Variants in RSRP1 observed in about 807,000 individuals in gnomAD.
The protein encoded by RSRP1 is arginine and serine rich protein 1, also known as arginine/serine-rich protein 1.
Under a neutral mutation model 33.0 loss-of-function variants are expected in RSRP1, and 37 were observed. That is an observed-to-expected ratio of 1.12 (90% CI 0.86 to 1.48). The LOEUF (loss-of-function observed/expected upper bound fraction) is 1.48, where lower values mean the gene tolerates loss of function less well. Ranked by LOEUF, RSRP1 falls within the 40% of genes most tolerant of loss-of-function variation. RSRP1 has a pLI of 0.00. For missense variants in RSRP1, 402 were observed against 385.3 expected (o/e 1.04, Z -0.36); for synonymous variants, 167 against 158.7 (o/e 1.05, Z -0.40).
chr1:25,242,850 A>G (rs1213681373), intron 4 of RSRP1, 145 bp from the exon 5 acceptor site: 5 of 607,814 alleles, frequency 8.2e-6, no homozygotes, highest in Non-Finnish European at 1.4e-5. Flanking sequence ...TAATCCCAGC[A>G]CTTTGGAAGG....
At position 25,290,761 on chromosome 1, in the gene RSRP1, C is replaced by G. The variant is rs747142300; in HGVS notation, c.-66-43732G>C. The G allele has an allele frequency of 2.3e-5, 31 of 1,376,678 alleles. 4 individuals are homozygous for G. The highest frequency in any genetic ancestry group is 1.3e-5 in the Non-Finnish European group (13 of 978,066). The allele number at this position is 1,376,678 out of a possible 1,614,324, so 85.3% of individuals were successfully genotyped here. A position where few individuals can be genotyped will look rare whatever the true frequency, so the allele number is the denominator to read the frequency against. On this transcript the variant is annotated intron_variant, in intron 1 of 1. Coordinates refer to the RSRP1 transcript ENST00000561867. ...TGGTGGAGGTGACAGCTTTAGGCAA[C>G]CTGAGGATGGTCATCAGTAATATCT...
chr1:25,333,179 G>A lies in RSRP1; in HGVS notation c.-67+4799C>T, dbSNP rs1329799820. 1.9e-4 allele frequency among the ~76,000 whole-genome samples: 25 copies of A among 131,864 alleles called. 3 individuals carry two copies. Among genetic ancestry groups the A allele is most frequent in the Admixed American group, 1.5e-3 (20 of 13,552 alleles). The allele number at this position is 131,864 out of a possible 152,430, so 86.5% of individuals were successfully genotyped here. On this transcript the variant is annotated intron_variant, in intron 1 of 1. Transcript: ENST00000561867. ...TCCAAGCCAACTGCACGTTGAGGGC[G>A]GATGGTTCCCTCTTAGCCCATTCAG...
At chr1:25,282,666 T>C (rs1242251850) in intron 1 of RSRP1, among the ~76,000 whole-genome samples, 2 of 132,372 alleles carry the variant, frequency 1.5e-5, no homozygotes, top group Non-Finnish European at 3.6e-5. Context: ...GGCTCATGCC[T>C]GTAATCCCAG....
At chr1:25,303,469 T>C (rs1234953353) in intron 1 of RSRP1, 1 of 1,378,632 alleles carries the variant, frequency 7.3e-7, no homozygotes, top group African/African-American at 1.4e-5. Context: ...GGTAAGAAAC[T>C]AGACAACTAA....
At chr1:25,246,128 A>G (rs1639365696) in intron 2 of RSRP1, 1 of 315,514 alleles carries the variant, frequency 3.2e-6, no homozygotes, top group Non-Finnish European at 5.9e-6. Flanking sequence ...GTGTTTTGAT[A>G]TTGTTCTTCC....
intron 1 of RSRP1, among the ~76,000 whole-genome samples, chr1:25,261,242 T>A (rs184107234): frequency 1.6e-4 from 25 of 152,292 alleles, no homozygotes; most frequent in Non-Finnish European, 8.8e-5. Flanking sequence ...AATATGAATC[T>A]GAGGGAGATC....
At chr1:25,293,134 A>G (rs1642653924) in intron 1 of RSRP1, among the ~76,000 whole-genome samples, 1 of 131,696 alleles carries the variant, frequency 7.6e-6, no homozygotes. Context: ...AGGAGATGAG[A>G]AAGTGGAGAC....
rs768918814 is a variant in RSRP1, at chr1:25,321,924, C to A, written c.-67+16054G>T. 7.5e-6 allele frequency: 10 copies of A among 1,337,832 alleles called. 2 individuals carry two copies. Among genetic ancestry groups the A allele is most frequent in the Middle Eastern group, 1.8e-4 (1 of 5,428 alleles). The allele number at this position is 1,337,832 out of a possible 1,614,324, so 82.9% of individuals were successfully genotyped here. A position where few individuals can be genotyped will look rare whatever the true frequency, so the allele number is the denominator to read the frequency against. On this transcript the variant is annotated intron_variant, in intron 1 of 1. Transcript: ENST00000561867. ...AAATCTTAAAATATGGAAAGCACCT[C>A]ATGAGGCTAAATATTTTGATGACCA... is the stretch of plus-strand genomic sequence containing the variant.
intron 1 of RSRP1, among the ~76,000 whole-genome samples, chr1:25,272,860 A>G (rs1250510206): frequency 7.6e-6 from 1 of 131,482 alleles, no homozygotes; most frequent in Non-Finnish European, 1.8e-5. Context: ...CCAACAATGT[A>G]AGCTTTCCTT....
intron 1 of RSRP1, among the ~76,000 whole-genome samples, chr1:25,261,529 C>T (rs1640149495): frequency 1.3e-5 from 2 of 151,740 alleles, no homozygotes; most frequent in Admixed American, 1.3e-4. Context: ...CTCAGTCTCC[C>T]GAGTAGCTGG....
intron 1 of RSRP1, among the ~76,000 whole-genome samples, chr1:25,319,707 T>C (rs1308609576): frequency 7.6e-6 from 1 of 132,156 alleles, no homozygotes; most frequent in East Asian, 2.0e-4. Flanking sequence ...AAGCATTTAA[T>C]TTGTTAATTG....
At position 25,300,842 on chromosome 1, in the gene RSRP1, G is replaced by C; in HGVS notation, c.-67+37136C>G. 2 of 1,229,390 alleles carry C rather than the reference G, an allele frequency of 1.6e-6. 1 individual carries two copies. Among genetic ancestry groups the C allele is most frequent in the South Asian group, 2.4e-5 (2 of 81,862 alleles). 76.2% of individuals were successfully genotyped at this position (1,229,390 alleles called of 1,614,324 possible). ...CTGAACACCAGTCTCATGGCTTCAA[G>C]TCACACCTCCTAAGTGAAGCTCTGA... is the stretch of plus-strand genomic sequence containing the variant. On this transcript the variant is annotated intron_variant, in intron 1 of 1. Transcript: ENST00000561867.
chr1:25,314,480 T>G (rs1159777505), intron 1 of RSRP1, among the ~76,000 whole-genome samples: 1 of 132,372 alleles, frequency 7.6e-6, no homozygotes, highest in South Asian at 2.3e-4. Flanking sequence ...TCCCACTTTG[T>G]GCGTTACCTT....
chr1:25,309,954 T>A (rs1177398635), intron 1 of RSRP1, among the ~76,000 whole-genome samples: 1 of 132,712 alleles, frequency 7.5e-6, no homozygotes, highest in Non-Finnish European at 1.8e-5. Flanking sequence ...TTTGGGTTTA[T>A]CCTCTATTCT....
In RSRP1 at chr1:25,285,195, C is replaced by T. The variant is rs1053095840; in HGVS notation, c.-66-38166G>A. Among the ~76,000 whole-genome samples, 16 of 129,014 alleles carry T rather than the reference C, an allele frequency of 1.2e-4. 1 individual carries two copies. Among genetic ancestry groups the T allele is most frequent in the African/African-American group, 3.9e-4 (14 of 35,992 alleles). 84.6% of individuals were successfully genotyped at this position (129,014 alleles called of 152,430 possible). On this transcript the variant is annotated intron_variant, in intron 1 of 1. Transcript: ENST00000561867. Reference sequence around the variant, plus strand: ...TGTTGCCCAGGCTGGAGTGCAATGGCGCTATCTCGGCACACCACAACCTCA... The same window carrying T: ...TGTTGCCCAGGCTGGAGTGCAATGGTGCTATCTCGGCACACCACAACCTCA...
Position 25,307,537 on chromosome 1 carries a change from C to T in RSRP1, c.-67+30441G>A, listed in dbSNP as rs1643912796. 9.4e-6 allele frequency: 5 copies of T among 534,510 alleles called. 1 individual carries two copies. The highest frequency in any genetic ancestry group is 1.8e-5 in the Non-Finnish European group (5 of 282,920). The allele number at this position is 534,510 out of a possible 1,614,324, so 33.1% of individuals were successfully genotyped here. A position where few individuals can be genotyped will look rare whatever the true frequency, so the allele number is the denominator to read the frequency against. On this transcript the variant is annotated intron_variant, in intron 1 of 1. Coordinates refer to the RSRP1 transcript ENST00000561867. The stretch of plus-strand genomic sequence containing the variant: ...TATTGACTGCTTTAAAAGTGTTGGG[C>T]ATTGTGCTAGAAACCATTATATGCA...
intron 1 of RSRP1, among the ~76,000 whole-genome samples, chr1:25,260,520 T>C (rs1013841044): frequency 5.9e-5 from 9 of 152,360 alleles, no homozygotes; most frequent in Middle Eastern, 3.4e-3. Flanking sequence ...TATATCCTCA[T>C]TGTCTTTCAC....
chr1:25,259,783 T>C (rs1640071653), intron 1 of RSRP1, among the ~76,000 whole-genome samples: 1 of 151,950 alleles, frequency 6.6e-6, no homozygotes. Flanking sequence ...GGATTACAGG[T>C]GTGAGCCACC....
intron 1 of RSRP1, among the ~76,000 whole-genome samples, chr1:25,278,581 T>C (rs1641215882): frequency 7.6e-6 from 1 of 130,874 alleles, no homozygotes; most frequent in Admixed American, 7.5e-5. Context: ...TGGCAGTTGG[T>C]GATTCACTGG....
Sources: allele counts gnomAD v4.1 joint callset (sites outside exome capture counted in the v4.1 genomes callset), GRCh38; gene constraint gnomAD v4.1.1; transcripts MANE v1.5; gene names NCBI Gene and HGNC (gene_info 2026-07-23, HGNC 2026-07-21).